Variants in COL5A3 observed in about 807,000 individuals in gnomAD.
COL5A3 encodes collagen type V alpha 3 chain.
Under a neutral mutation model 250.0 loss-of-function variants are expected in COL5A3, and 172 were observed. The observed-to-expected ratio is 0.69, with a 90% confidence interval of 0.61 to 0.78. COL5A3 has a LOEUF of 0.78. COL5A3 is among the 30% of genes least tolerant of loss of function. COL5A3 has a pLI of 0.00. For synonymous variants in COL5A3, 937 were observed against 900.4 expected, an observed-to-expected ratio of 1.04 and a Z score of -0.73; for missense variants, 2,340 against 2,334.4, an observed-to-expected ratio of 1.00 and a Z score of -0.05.
chr19:9,963,926 TG>T (rs971116803), intron 64 of COL5A3, among the ~76,000 whole-genome samples: 25 of 151,782 alleles, frequency 1.6e-4, no homozygotes, highest in African/African-American at 5.6e-4. Context: ...CTCAGCACTT[TG>T]GGAGGCCGAG....
At position 9,970,101 on chromosome 19, in the gene COL5A3, G is replaced by GGGGTCTGTGGGTGACT; in HGVS notation, c.3937-180_3937-179insAGTCACCCACAGACCC. On this transcript the variant is annotated intron_variant, in intron 54 of 66. Transcript: ENST00000264828. ...GGGTGAGTGGGGGCTGTGGCTGAGT[G>GGGGTCTGTGGGTGACT]GAGGCTGTGGGTGAGTGGAGGCTGT... is the stretch of plus-strand genomic sequence containing the variant. Among the ~76,000 whole-genome samples the GGGGTCTGTGGGTGACT allele has an allele frequency of 7.3e-5, 4 of 54,782 alleles. 1 individual carries two copies. Among genetic ancestry groups the GGGGTCTGTGGGTGACT allele is most frequent in the African/African-American group, 5.1e-4 (4 of 7,814 alleles). The allele number at this position is 54,782 out of a possible 152,430, so 35.9% of individuals were successfully genotyped here. A position where few individuals can be genotyped will look rare whatever the true frequency, so the allele number is the denominator to read the frequency against.
In COL5A3 at chr19:9,968,733, G is replaced by A. The variant is rs755882498; in HGVS notation, c.4153-5C>T. 1 of 1,607,490 alleles carries A rather than the reference G, an allele frequency of 6.2e-7. No homozygotes were observed. The highest frequency in any genetic ancestry group is 1.1e-5 in the South Asian group (1 of 89,710). Reference sequence around the variant, plus strand: ...CCCTGGGAGGCCAGAGGGCCCCTGGGAGAAGAGCAAGGGTCAGTTAGGGAT... The same window carrying A: ...CCCTGGGAGGCCAGAGGGCCCCTGGAAGAAGAGCAAGGGTCAGTTAGGGAT... On this transcript the variant is annotated splice_region_variant and splice_polypyrimidine_tract_variant and intron_variant, in intron 57 of 66. Transcript: ENST00000264828. This position sits in a 1 kb window ranked among gnomAD's most constrained non-coding sequence, Gnocchi z 4.1.
rs2086743835 is a variant in COL5A3 at position 9,966,311 on chromosome 19, C to T, written c.4782+3G>A. 1.9e-6 allele frequency: 3 copies of T among 1,604,188 alleles called. No homozygotes were observed. Among genetic ancestry groups the T allele is most frequent in the Non-Finnish European group, 1.7e-6 (2 of 1,174,212 alleles). On this transcript the variant is annotated splice_donor_region_variant and intron_variant, in intron 64 of 66. Transcript: ENST00000264828. ...GAGGCGATGAGAGGTTTGGGTTACT[C>T]ACGATCTCAAACTTCTTGTCGGGAT...
intron 24 of COL5A3, 84 bp downstream of exon 24, chr19:9,991,526 G>T: frequency 8.8e-7 from 1 of 1,134,642 alleles, no homozygotes; most frequent in Non-Finnish European, 1.3e-6. Context: ...GCTAACAGAG[G>T]GGTCTTGGTG....
intron 27 of COL5A3, among the ~76,000 whole-genome samples, chr19:9,988,855 A>AAAAAAAAGAGAGAGAAAG (rs1269531312): frequency 2.9e-5 from 3 of 104,736 alleles, no homozygotes; most frequent in Non-Finnish European, 5.5e-5. Flanking sequence ...AAAAAAAAAA[A>AAAAAAAAGAGAGAGAAAG]AAAGAAAGTA....
intron 32 of COL5A3, among the ~76,000 whole-genome samples, chr19:9,981,437 C>G (rs2087007292): frequency 6.6e-6 from 1 of 152,168 alleles, no homozygotes; most frequent in Non-Finnish European, 1.5e-5. Flanking sequence ...TCATGGCATG[C>G]ATTTGGCAAT....
At chr19:9,976,477 A>T in intron 45 of COL5A3, 81 bp downstream of exon 45, 1 of 1,059,632 alleles carries the variant, frequency 9.4e-7, no homozygotes, top group Non-Finnish European at 1.4e-6. Flanking sequence ...GGATTAAGTC[A>T]GTGTGCTTCC....
chr19:9,993,616 C>G lies in COL5A3; in HGVS notation c.1695+3G>C, dbSNP rs1471570558. 1.2e-6 allele frequency: 2 copies of G among 1,614,060 alleles called. No individual in the cohort carries two copies. The highest frequency in any genetic ancestry group is 1.7e-5 in the Admixed American group (1 of 60,008). On this transcript the variant is annotated splice_donor_region_variant and intron_variant, in intron 18 of 66. Transcript: ENST00000264828. ...ACTTGGGGGAGGGACCTCACACACT[C>G]ACCCTTTGGCCCTTCTCACCAGGCA... is the stretch of plus-strand genomic sequence containing the variant.
At chr19:9,992,686 A>G in intron 21 of COL5A3, 141 bp downstream of exon 21, 1 of 773,494 alleles carries the variant, frequency 1.3e-6, no homozygotes, top group Non-Finnish European at 2.1e-6. Context: ...CTGAAGCATG[A>G]GAATCACCTG....
Position 10,001,768 on chromosome 19 carries a change from C to T in COL5A3, c.963G>A (p.Glu321=), listed in dbSNP as rs141579722. The T allele has an allele frequency of 2.8e-5, 45 of 1,614,040 alleles. No individual in the cohort carries two copies. Among genetic ancestry groups the T allele is most frequent in the African/African-American group, 1.2e-4 (9 of 75,050 alleles). The change falls in exon 7 of 67, where the codon GAG becomes GAA. Residue 321 remains glutamate, a splice_region_variant and synonymous_variant. Coordinates refer to ENST00000264828, the MANE Select transcript of COL5A3 (RefSeq NM_015719.4). ...CTCCCCTCTTCCATCCCCATCCAAC[C>T]TCTAGGATCGTGGCATTGAGTCCAG... ...VTTGLNATIL[E]RSLDPDSGTE... is the part of the protein sequence containing the mutation.
chr19:9,973,570 C>G lies in COL5A3; in HGVS notation c.3666G>C (p.Pro1222=). 1 of 1,611,632 alleles carries G rather than the reference C, an allele frequency of 6.2e-7. No homozygotes were observed. Among genetic ancestry groups the G allele is most frequent in the Non-Finnish European group, 8.5e-7 (1 of 1,178,826 alleles). ...DPGPPGAPGI[P]GPKGDIGEKG... is the part of the protein sequence containing the mutation. ...GGGACCACATCACACAGTCACTCAC[C>G]GGGATGCCTGGGGCTCCTGGAGGCC... The change falls in exon 50 of 67, where the codon CCG becomes CCC. Residue 1222 remains proline, a splice_region_variant and synonymous_variant. Coordinates refer to ENST00000264828, the MANE Select transcript of COL5A3 (RefSeq NM_015719.4).
At chr19:9,962,950 C>G in intron 64 of COL5A3, 63 bp from the exon 65 acceptor site, 1 of 1,203,494 alleles carries the variant, frequency 8.3e-7, no homozygotes, top group East Asian at 2.4e-5. Flanking sequence ...ATCTCATCTG[C>G]ATTTCCCTCC....
chr19:9,979,345 T>A lies in COL5A3; in HGVS notation c.2766+19A>T. 6.2e-7 allele frequency: 1 copy of A among 1,613,910 alleles called. No individual in the cohort carries two copies. The highest frequency in any genetic ancestry group is 1.1e-5 in the South Asian group (1 of 91,072). On this transcript the variant is annotated intron_variant, in intron 38 of 66. Transcript: ENST00000264828. Reference sequence around the variant, plus strand: ...CCAACTGGTACAAAACAAGGGAGGTTTATGGAGTCCACTCTGACCTGAGGG... The same window carrying A: ...CCAACTGGTACAAAACAAGGGAGGTATATGGAGTCCACTCTGACCTGAGGG...
chr19:9,984,586 T>A (rs2087068204), intron 31 of COL5A3, among the ~76,000 whole-genome samples: 1 of 152,188 alleles, frequency 6.6e-6, no homozygotes, highest in South Asian at 2.1e-4. Flanking sequence ...TGAATGAAAC[T>A]TAATCACACC....
intron 40 of COL5A3, 30 bp downstream of exon 40, chr19:9,978,861 A>T (rs2086963739): frequency 2.5e-6 from 3 of 1,216,240 alleles, no homozygotes; most frequent in South Asian, 1.9e-5. Context: ...TCTCTAAGGG[A>T]CATGCAGGAG....
At chr19:9,970,464 T>TAA (rs2086827088) in intron 54 of COL5A3, among the ~76,000 whole-genome samples, 158 bp downstream of exon 54, 2 of 16,262 alleles carry the variant, frequency 1.2e-4, no homozygotes, top group African/African-American at 4.3e-4. Flanking sequence ...TCTGTGGGTG[T>TAA]GTGGGGTCTG....
Position 9,991,667 on chromosome 19 carries a change from AAAG to A in COL5A3, c.1948-16_1948-14del. 1.2e-6 allele frequency: 2 copies of A among 1,613,092 alleles called. No individual in the cohort carries two copies. Among genetic ancestry groups the A allele is most frequent in the Non-Finnish European group, 8.5e-7 (1 of 1,179,534 alleles). ...GACCGGGGAGTCCCTGGAGACAGAAAAAGAAGATGAGAGAAGGCATAAGAAAGA... is the reference window on the plus strand; with the variant it reads ...GACCGGGGAGTCCCTGGAGACAGAAAAAGATGAGAGAAGGCATAAGAAAGA... On this transcript the variant is annotated splice_polypyrimidine_tract_variant and intron_variant, in intron 23 of 66. Transcript: ENST00000264828.
At position 9,997,333 on chromosome 19, in the gene COL5A3, T is replaced by G. The variant is rs774712026; in HGVS notation, c.1263+38A>C. On this transcript the variant is annotated intron_variant, in intron 11 of 66. Coordinates refer to ENST00000264828, the MANE Select transcript of COL5A3 (RefSeq NM_015719.4). Reference sequence around the variant, plus strand: ...TCACGCTCCCAGCCCCAAACCTCACTCCTCTGAGAAGTGTACACCCCAGTG... The same window carrying G: ...TCACGCTCCCAGCCCCAAACCTCACGCCTCTGAGAAGTGTACACCCCAGTG... 4.0e-6 allele frequency: 6 copies of G among 1,510,676 alleles called. 1 individual carries two copies. In the South Asian group the frequency reaches 7.0e-5, roughly 18 times the overall value. The allele number at this position is 1,510,676 out of a possible 1,614,324, so 93.6% of individuals were successfully genotyped here. A position where few individuals can be genotyped will look rare whatever the true frequency, so the allele number is the denominator to read the frequency against.
intron 8 of COL5A3, among the ~76,000 whole-genome samples, chr19:9,998,904 C>T (rs1053368834): frequency 1.3e-5 from 2 of 151,874 alleles, no homozygotes; most frequent in African/African-American, 4.8e-5. Flanking sequence ...AGGCTGGTCT[C>T]GAACTCCTGA....
Sources: allele counts gnomAD v4.1 joint callset (sites outside exome capture counted in the v4.1 genomes callset), GRCh38; gene constraint gnomAD v4.1.1; non-coding constraint Gnocchi (gnomAD v3.1); transcripts MANE v1.5; gene names NCBI Gene and HGNC (gene_info 2026-07-23, HGNC 2026-07-21).